DYNC1I1: variants seen among roughly 807,000 people sequenced by gnomAD.
DYNC1I1 encodes the protein cytoplasmic dynein 1 intermediate chain 1.
DYNC1I1 carries 43 observed loss-of-function variants against 86.6 expected under a neutral mutation model. The observed-to-expected ratio is 0.50, with a 90% CI of 0.39 to 0.64. The LOEUF (loss-of-function observed/expected upper bound fraction) is 0.64, where lower values mean the gene tolerates loss of function less well. Ranked by LOEUF, DYNC1I1 falls within the 30% of genes least tolerant of loss-of-function variation. The pLI is 0.00. For missense variants in DYNC1I1, 604 were observed against 788.8 expected (o/e 0.77, Z 2.81); for synonymous variants, 262 against 283.7 (o/e 0.92, Z 0.77).
At chr7:95,876,942 T>TA (rs1023112149) in intron 6 of DYNC1I1, among the ~76,000 whole-genome samples, 2 of 151,488 alleles carry the variant, frequency 1.3e-5, no homozygotes, top group African/African-American at 2.4e-5. Flanking sequence ...ATATAGCAAG[T>TA]AAAAAAAAGA....
At chr7:95,799,286 G>T (rs569608537) in intron 1 of DYNC1I1, among the ~76,000 whole-genome samples, 210 of 152,294 alleles carry the variant, frequency 1.4e-3, no homozygotes, top group African/African-American at 4.9e-3. Flanking sequence ...GGCTGAGGCA[G>T]GAGAGTCGCT....
At chr7:96,044,255 G>A (rs1031885197) in intron 14 of DYNC1I1, among the ~76,000 whole-genome samples, 1 of 152,126 alleles carries the variant, frequency 6.6e-6, no homozygotes, top group African/African-American at 2.4e-5. Context: ...GGCAGAAAAA[G>A]CAATTAGTAA....
intron 5 of DYNC1I1, among the ~76,000 whole-genome samples, chr7:95,867,108 C>A (rs1790034697): frequency 6.6e-6 from 1 of 152,156 alleles, no homozygotes; most frequent in Non-Finnish European, 1.5e-5. Context: ...TCCATGTGCC[C>A]ATATAAAGAA....
At chr7:95,878,099 G>A (rs1790356597) in intron 6 of DYNC1I1, among the ~76,000 whole-genome samples, 1 of 152,050 alleles carries the variant, frequency 6.6e-6, no homozygotes, top group Non-Finnish European at 1.5e-5. Flanking sequence ...GGGGGTTGGG[G>A]GGACTGGTAT....
chr7:95,931,293 G>A (rs1287436276), intron 6 of DYNC1I1, among the ~76,000 whole-genome samples: 1 of 151,958 alleles, frequency 6.6e-6, no homozygotes, highest in African/African-American at 2.4e-5. Context: ...GGAATTACAG[G>A]TTTGCACCAC....
At chr7:95,939,495 T>C (rs1792141125) in intron 6 of DYNC1I1, among the ~76,000 whole-genome samples, 1 of 152,030 alleles carries the variant, frequency 6.6e-6, no homozygotes, top group Non-Finnish European at 1.5e-5. Flanking sequence ...ATTGGGTGCA[T>C]ATATATTTAG....
chr7:96,026,027 G>T (rs1794673751), intron 10 of DYNC1I1, among the ~76,000 whole-genome samples: 1 of 152,102 alleles, frequency 6.6e-6, no homozygotes, highest in Non-Finnish European at 1.5e-5. Flanking sequence ...TTCCAACGTA[G>T]CTCCAGCAAC....
intron 14 of DYNC1I1, among the ~76,000 whole-genome samples, chr7:96,046,952 A>C (rs1014617860): frequency 1.3e-5 from 2 of 152,204 alleles, no homozygotes; most frequent in South Asian, 4.1e-4. Flanking sequence ...GTCTTAGTCC[A>C]TTCAGGGTTC....
At chr7:95,819,888 T>C (rs1443839486) in intron 4 of DYNC1I1, among the ~76,000 whole-genome samples, 4 of 152,234 alleles carry the variant, frequency 2.6e-5, no homozygotes, top group African/African-American at 7.2e-5. Flanking sequence ...CATATGGTTA[T>C]AGTAACACAG....
intron 14 of DYNC1I1, among the ~76,000 whole-genome samples, chr7:96,073,408 T>C (rs995959503): frequency 4.6e-5 from 7 of 152,184 alleles, no homozygotes; most frequent in African/African-American, 1.7e-4. Context: ...TTTGGTTACA[T>C]TTCTCAGAGA....
intron 5 of DYNC1I1, among the ~76,000 whole-genome samples, chr7:95,855,389 G>A (rs1789691612): frequency 6.6e-6 from 1 of 152,098 alleles, no homozygotes; most frequent in Non-Finnish European, 1.5e-5. Context: ...TTTGGTTTTT[G>A]ACAGTTTGAT....
intron 14 of DYNC1I1, among the ~76,000 whole-genome samples, chr7:96,040,712 A>G (rs1562982067): frequency 6.8e-6 from 1 of 147,274 alleles, no homozygotes; most frequent in African/African-American, 2.6e-5. Flanking sequence ...TTCACAAATG[A>G]GTAGTTTTTT....
At chr7:95,790,839 T>C (rs1794282548) in intron 1 of DYNC1I1, among the ~76,000 whole-genome samples, 1 of 152,096 alleles carries the variant, frequency 6.6e-6, no homozygotes, top group South Asian at 2.1e-4. Flanking sequence ...CATGCCAAAG[T>C]TGTTTGCTTT....
At chr7:95,829,295 C>T (rs1289116768) in intron 5 of DYNC1I1, among the ~76,000 whole-genome samples, 2 of 152,104 alleles carry the variant, frequency 1.3e-5, no homozygotes, top group Non-Finnish European at 2.9e-5. Flanking sequence ...AAATTCTTAG[C>T]TGATTCATGA....
chr7:96,047,378 A>G (rs1303589368), intron 14 of DYNC1I1, among the ~76,000 whole-genome samples: 1 of 152,230 alleles, frequency 6.6e-6, no homozygotes, highest in Non-Finnish European at 1.5e-5. Context: ...CCAAAGGTGA[A>G]CATTATAATA....
intron 14 of DYNC1I1, among the ~76,000 whole-genome samples, chr7:96,054,484 C>A (rs1353735108): frequency 1.3e-5 from 2 of 152,160 alleles, no homozygotes; most frequent in African/African-American, 4.8e-5. Context: ...GATTTATAAT[C>A]CTTTGGGTGT....
chr7:95,859,041 A>G (rs1352072988), intron 5 of DYNC1I1, among the ~76,000 whole-genome samples: 2 of 148,750 alleles, frequency 1.3e-5, no homozygotes, highest in Non-Finnish European at 3.0e-5. Context: ...TATATTTTCA[A>G]ATTACCTGTC....
At chr7:95,935,132 T>C (rs968657533) in intron 6 of DYNC1I1, among the ~76,000 whole-genome samples, 3 of 151,958 alleles carry the variant, frequency 2.0e-5, no homozygotes, top group Non-Finnish European at 4.4e-5. Context: ...AACTTCCCAT[T>C]TTCCCCTCCC....
chr7:95,893,286 C>T (rs1184468544), intron 6 of DYNC1I1, among the ~76,000 whole-genome samples: 1 of 152,172 alleles, frequency 6.6e-6, no homozygotes, highest in African/African-American at 2.4e-5. Context: ...TTCACTAGCA[C>T]TTGCAGTATG....
Sources: allele counts gnomAD v4.1 joint callset (sites outside exome capture counted in the v4.1 genomes callset), GRCh38; gene constraint gnomAD v4.1.1; transcripts MANE v1.5; gene names NCBI Gene and HGNC (gene_info 2026-07-23, HGNC 2026-07-21).